Variants in ADCY3 observed in about 807,000 individuals in gnomAD.
The protein encoded by ADCY3 is adenylate cyclase 3.
In ADCY3, 70 loss-of-function variants were observed where a neutral mutation model predicts 119.4. The observed-to-expected ratio is 0.59, with a 90% CI of 0.48 to 0.72. ADCY3 has a LOEUF of 0.72. Among genes scored for constraint, ADCY3 ranks in the 30% least tolerant of loss-of-function variants. The pLI, the probability that ADCY3 is intolerant of heterozygous loss-of-function variation, is 0.00. For missense variants in ADCY3, 1,238 were observed against 1,541.6 expected (o/e 0.80, Z 3.30); for synonymous variants, 672 against 621.4 (o/e 1.08, Z -1.21).
chr2:24,903,013 G>A (rs1558518073), intron 2 of ADCY3, among the ~76,000 whole-genome samples: 2 of 152,020 alleles, frequency 1.3e-5, no homozygotes, highest in South Asian at 4.2e-4. Context: ...TTGGTGTGGT[G>A]GCGGGCGCCT....
chr2:24,913,134 G>A (rs1412805245), intron 2 of ADCY3, among the ~76,000 whole-genome samples: 5 of 152,200 alleles, frequency 3.3e-5, no homozygotes, highest in African/African-American at 1.2e-4. Context: ...GCTTGAGTTT[G>A]CCTCCTCTTG....
chr2:24,857,377 T>C (rs774226853), intron 3 of ADCY3, among the ~76,000 whole-genome samples: 4 of 152,236 alleles, frequency 2.6e-5, no homozygotes, highest in Non-Finnish European at 4.4e-5. Flanking sequence ...AGCTGTCAAC[T>C]AGGAGACCTG....
chr2:24,871,922 G>A (rs762190841), intron 3 of ADCY3, among the ~76,000 whole-genome samples: 1 of 152,230 alleles, frequency 6.6e-6, no homozygotes, highest in Non-Finnish European at 1.5e-5. Context: ...GGACAGCGAG[G>A]CCTCTCTCCA....
chr2:24,821,453 G>C, intron 20 of ADCY3, 64 bp downstream of exon 20: 3 of 1,591,318 alleles, frequency 1.9e-6, no homozygotes, highest in Non-Finnish European at 2.6e-6. Flanking sequence ...CTCTCCTGGT[G>C]GTGGGCCAGG....
At chr2:24,840,151 C>CAAGG (rs1670827789) in intron 6 of ADCY3, 120 bp from the exon 7 acceptor site, 4 of 1,358,724 alleles carry the variant, frequency 2.9e-6, no homozygotes, top group Admixed American at 2.2e-5. Flanking sequence ...GGGGGCCTGG[C>CAAGG]AAGGTCCCCA....
intron 13 of ADCY3, among the ~76,000 whole-genome samples, chr2:24,830,403 A>G (rs1005263093): frequency 6.6e-6 from 1 of 152,152 alleles, no homozygotes; most frequent in African/African-American, 2.4e-5. Flanking sequence ...ACTGCTCAGG[A>G]CTTTTTCACA....
At chr2:24,900,478 T>C (rs1678779860) in intron 2 of ADCY3, among the ~76,000 whole-genome samples, 1 of 152,104 alleles carries the variant, frequency 6.6e-6, no homozygotes, top group South Asian at 2.1e-4. Flanking sequence ...AATGTATAGC[T>C]ACAGAATTTC....
chr2:24,894,319 C>T (rs1187175303), intron 2 of ADCY3, among the ~76,000 whole-genome samples: 1 of 151,968 alleles, frequency 6.6e-6, no homozygotes, highest in African/African-American at 2.4e-5. Flanking sequence ...TCTATTTCTA[C>T]AAAAAGTTAG....
In ADCY3 at chr2:24,825,336, GGGGGGGGGGGGGTGC is replaced by G. The variant is rs1256825246; in HGVS notation, c.2577+694_2577+708del. 7.6e-4 allele frequency among the ~76,000 whole-genome samples: 9 copies of G among 11,816 alleles called. 2 individuals carry two copies. Among genetic ancestry groups the G allele is most frequent in the South Asian group, 5.3e-3 (1 of 188 alleles). 7.8% of individuals were successfully genotyped at this position (11,816 alleles called of 152,430 possible). A position where few individuals can be genotyped will look rare whatever the true frequency, so the allele number is the denominator to read the frequency against. ...CCGGTTGAGTGCGGTGGTTGTGGCG[GGGGGGGGGGGGGTGC>G]GGGGGGGGTGTCTCACTTTGTCACC... On this transcript the variant is annotated intron_variant, in intron 16 of 21. Coordinates refer to ENST00000679454, the MANE Select transcript of ADCY3 (RefSeq NM_004036.5).
chr2:24,840,314 T>C (rs151262670), intron 6 of ADCY3, among the ~76,000 whole-genome samples: 252 of 152,334 alleles, frequency 1.7e-3, no homozygotes, highest in Middle Eastern at 3.4e-3. Flanking sequence ...CTTTTATTCA[T>C]TCGTGCAGTT....
At chr2:24,866,578 A>AAAG (rs1553350400) in intron 3 of ADCY3, among the ~76,000 whole-genome samples, 2 of 150,232 alleles carry the variant, frequency 1.3e-5, no homozygotes, top group African/African-American at 4.9e-5. Flanking sequence ...AAAAAAAAAA[A>AAAG]AAAAAAAGAA....
intron 2 of ADCY3, among the ~76,000 whole-genome samples, chr2:24,874,543 C>T (rs1386463163): frequency 1.3e-5 from 2 of 152,222 alleles, no homozygotes; most frequent in East Asian, 3.9e-4. Context: ...ACTCTCTGGC[C>T]AACCTGGGAG....
intron 3 of ADCY3, among the ~76,000 whole-genome samples, chr2:24,849,021 G>C (rs554257347): frequency 3.5e-4 from 53 of 152,322 alleles, no homozygotes; most frequent in African/African-American, 1.2e-3. Flanking sequence ...TGTGTGAGGA[G>C]CATGGGGAGG....
chr2:24,854,556 T>G (rs1441387112), intron 3 of ADCY3, among the ~76,000 whole-genome samples: 1 of 152,238 alleles, frequency 6.6e-6, no homozygotes, highest in East Asian at 1.9e-4. Flanking sequence ...GGCGTGTCAC[T>G]GGGACAAGTG....
rs750353889 is a variant in ADCY3 at position 24,918,582 on chromosome 2, G to A, written c.406C>T (p.Arg136Cys). The change falls in exon 2 of 22, where the codon CGC (arginine) becomes TGC (cysteine). Residue 136 changes from arginine (R) to cysteine (C), a missense_variant. Around this residue, in one of 7 missense-constraint regions of ADCY3, gnomAD observed 227 missense variants for 249.3 expected, o/e 0.91. Coordinates refer to ENST00000679454, the MANE Select transcript of ADCY3 (RefSeq NM_004036.5). This position sits in a 1 kb window ranked among gnomAD's most constrained non-coding sequence, Gnocchi z 5.4. The stretch of plus-strand genomic sequence containing the variant: ...CACAGCACGTAGGGCAGCACTCTGC[G>A]GGTGACCCGGTCCGGGAGCAGCCCC... ...KKGLLPDRVTRRVLPYVLWLL... is the reference protein window; with the variant it reads ...KKGLLPDRVTCRVLPYVLWLL... 3.1e-6 allele frequency: 5 copies of A among 1,614,036 alleles called. No homozygotes were observed. Among genetic ancestry groups the A allele is most frequent in the Admixed American group, 3.3e-5 (2 of 60,016 alleles).
intron 2 of ADCY3, among the ~76,000 whole-genome samples, chr2:24,883,243 G>A (rs780568574): frequency 2.0e-5 from 3 of 152,088 alleles, no homozygotes; most frequent in Non-Finnish European, 4.4e-5. Flanking sequence ...AGCTACTTGG[G>A]AAGCTGAGGC....
At chr2:24,895,611 T>A (rs1678172965) in intron 2 of ADCY3, among the ~76,000 whole-genome samples, 1 of 151,786 alleles carries the variant, frequency 6.6e-6, no homozygotes, top group Non-Finnish European at 1.5e-5. Context: ...GTCAATGTTT[T>A]TTCTTTCTTT....
intron 20 of ADCY3, chr2:24,821,218 C>G (rs1667648401): frequency 2.2e-6 from 1 of 448,976 alleles, no homozygotes; most frequent in South Asian, 2.9e-5. Context: ...ATGTCCTCAG[C>G]AGGCACAGCA....
In ADCY3 at chr2:24,870,229, G is replaced by A. The variant is rs191755520; in HGVS notation, c.825+2341C>T. ...CCAGCTACTTGGGAAGCTGAGGCAG[G>A]AGAATCGCTTGAACCCGGGAGACGG... On this transcript the variant is annotated intron_variant, in intron 3 of 21. Transcript: ENST00000679454. Among the ~76,000 whole-genome samples the A allele has an allele frequency of 4.7e-5, 7 of 150,376 alleles. No homozygotes were observed. The East Asian group carries it at 1.4e-3, about 30-fold the overall frequency.
Sources: allele counts gnomAD v4.1 joint callset (sites outside exome capture counted in the v4.1 genomes callset), GRCh38; gene constraint gnomAD v4.1.1; regional missense constraint gnomAD v4.1.1; non-coding constraint Gnocchi (gnomAD v3.1); transcripts MANE v1.5; gene names NCBI Gene and HGNC (gene_info 2026-07-23, HGNC 2026-07-21).